Variants in FARP1 observed in about 807,000 individuals in gnomAD.
FARP1 encodes FERM, ARH/RhoGEF and pleckstrin domain protein 1, also known as FERM, ARHGEF and pleckstrin domain-containing protein 1.
FARP1 carries 52 observed loss-of-function variants against 128.8 expected under a neutral mutation model. The ratio of observed to expected loss-of-function variants is 0.40; its 90% confidence interval spans 0.32 to 0.51. The LOEUF is 0.51. Ranked by LOEUF, FARP1 falls within the 20% of genes least tolerant of loss-of-function variation. The pLI is 0.45. For missense variants in FARP1, 1,333 were observed against 1,367.9 expected, an observed-to-expected ratio of 0.97 and a Z score of 0.40; for synonymous variants, 580 against 551.8, an observed-to-expected ratio of 1.05 and a Z score of -0.72.
intron 2 of FARP1, among the ~76,000 whole-genome samples, chr13:98,221,146 G>A (rs929026090): frequency 6.6e-6 from 1 of 152,162 alleles, no homozygotes; most frequent in African/African-American, 2.4e-5. Context: ...TTGAGGCCCA[G>A]GTGAGGCTCT....
At chr13:98,257,557 G>A (rs1225058111) in intron 2 of FARP1, among the ~76,000 whole-genome samples, 1 of 152,152 alleles carries the variant, frequency 6.6e-6, no homozygotes, top group Non-Finnish European at 1.5e-5. Flanking sequence ...TGGATAACAA[G>A]GTCAGGAATT....
chr13:98,223,618 G>A (rs367663204), intron 2 of FARP1, among the ~76,000 whole-genome samples: 4 of 152,178 alleles, frequency 2.6e-5, no homozygotes, highest in African/African-American at 4.8e-5. Context: ...GAGCCACAGC[G>A]CCTGGCCATA....
At chr13:98,267,879 G>A (rs554326814) in intron 2 of FARP1, among the ~76,000 whole-genome samples, 2 of 152,224 alleles carry the variant, frequency 1.3e-5, no homozygotes, top group Non-Finnish European at 2.9e-5. Flanking sequence ...GAAATTGGAA[G>A]GTGGGGCTCC....
intron 8 of FARP1, among the ~76,000 whole-genome samples, chr13:98,387,709 G>A (rs1054139912): frequency 3.3e-5 from 5 of 152,260 alleles, no homozygotes; most frequent in East Asian, 1.9e-4. Context: ...ATGTGAATCC[G>A]GCCCAGAGAC....
chr13:98,285,956 C>G (rs1348733369), intron 2 of FARP1, among the ~76,000 whole-genome samples: 1 of 152,142 alleles, frequency 6.6e-6, no homozygotes, highest in African/African-American at 2.4e-5. Context: ...CTATTTCAGG[C>G]CACGTCTCCC....
intron 26 of FARP1, chr13:98,447,852 AAAG>A (rs1892947979): frequency 1.4e-5 from 3 of 209,976 alleles, no homozygotes; most frequent in South Asian, 8.6e-5. Context: ...CTCAAAAAAA[AAAG>A]AAAAAGAAAA....
At chr13:98,299,131 G>C (rs1480173669) in intron 2 of FARP1, among the ~76,000 whole-genome samples, 4 of 152,034 alleles carry the variant, frequency 2.6e-5, no homozygotes. Flanking sequence ...TTTAATGCTG[G>C]GTAATAAAGC....
intron 2 of FARP1, among the ~76,000 whole-genome samples, chr13:98,272,367 T>C (rs1884431449): frequency 6.6e-6 from 1 of 152,168 alleles, no homozygotes; most frequent in African/African-American, 2.4e-5. Flanking sequence ...AATAGCCCTT[T>C]TGCACGCTAA....
At chr13:98,180,986 T>C (rs1174489153) in intron 1 of FARP1, among the ~76,000 whole-genome samples, 1 of 152,256 alleles carries the variant, frequency 6.6e-6, no homozygotes, top group Non-Finnish European at 1.5e-5. Context: ...CCTTTCCCTG[T>C]GTTTACATTT....
chr13:98,182,780 T>C (rs77456917), intron 1 of FARP1, among the ~76,000 whole-genome samples: 8,638 of 152,302 alleles, frequency 0.057, 317 homozygotes, highest in African/African-American at 0.1. Context: ...CCTCAGAATT[T>C]CTTAGACATT....
intron 2 of FARP1, among the ~76,000 whole-genome samples, chr13:98,292,257 C>G (rs1014875067): frequency 7.9e-5 from 12 of 152,222 alleles, no homozygotes; most frequent in Non-Finnish European, 2.9e-5. Context: ...ATAGCATCCA[C>G]ATTTTTAACC....
At chr13:98,386,224 T>G (rs1445782268) in intron 8 of FARP1, among the ~76,000 whole-genome samples, 1 of 149,908 alleles carries the variant, frequency 6.7e-6, no homozygotes, top group African/African-American at 2.4e-5. Context: ...ACAGTTTGGC[T>G]TGAGCCAGCT....
At chr13:98,433,245 A>T (rs1013693045) in intron 18 of FARP1, 1 of 152,266 alleles carries the variant, frequency 6.6e-6, no homozygotes, top group African/African-American at 2.4e-5. Flanking sequence ...GGAAACAGTG[A>T]TACCAGGCTT....
At chr13:98,259,882 A>AGTGTGTGTGTGTATGTGT (rs1883787410) in intron 2 of FARP1, among the ~76,000 whole-genome samples, 1 of 128,770 alleles carries the variant, frequency 7.8e-6, no homozygotes, top group Non-Finnish European at 1.6e-5. Flanking sequence ...ATACCTGAAA[A>AGTGTGTGTGTGTATGTGT]GTGTGTGTGT....
intron 2 of FARP1, among the ~76,000 whole-genome samples, chr13:98,295,530 C>A (rs1388544021): frequency 6.6e-6 from 1 of 152,208 alleles, no homozygotes; most frequent in East Asian, 1.9e-4. Context: ...AAAAAGCCTG[C>A]AGATAAAAAT....
chr13:98,453,241 CAT>C lies in FARP1; in HGVS notation c.*4925_*4926del. 7 of 1,606,190 alleles carry C rather than the reference CAT, an allele frequency of 4.4e-6. No individual in the cohort carries two copies. Among genetic ancestry groups the C allele is most frequent in the East Asian group, 4.5e-5 (2 of 44,644 alleles). On this transcript the variant is annotated 3_prime_UTR_variant, in exon 27 of 27. Coordinates refer to ENST00000319562, the MANE Select transcript of FARP1 (RefSeq NM_005766.4). ...AAAAAGAGAGAGAGAGAAGTCAACA[CAT>C]GTCATTTCTCATCCCTGTGCAAAAA... is the stretch of plus-strand genomic sequence containing the variant.
rs751760297 is a variant in FARP1 at position 98,176,192 on chromosome 13, A to T, written c.-24+32700A>T. The T allele has an allele frequency of 2.4e-5, 38 of 1,610,502 alleles. 2 individuals carry two copies. The South Asian group carries it at 4.2e-4, about 18-fold the overall frequency. ...CTCTTTTTTCCTAAAAGAACAAAAA[A>T]ATTTATTTAAATGTGAGAATTATGG... On this transcript the variant is annotated intron_variant, in intron 1 of 26. Coordinates refer to ENST00000319562, the MANE Select transcript of FARP1 (RefSeq NM_005766.4). This position sits in a 1 kb window ranked among gnomAD's most constrained non-coding sequence, Gnocchi z 6.2.
intron 2 of FARP1, among the ~76,000 whole-genome samples, chr13:98,223,517 A>C (rs550251930): frequency 6.6e-6 from 1 of 151,970 alleles, no homozygotes; most frequent in Non-Finnish European, 1.5e-5. Context: ...GGAGAGATGG[A>C]GTTTCACCAT....
chr13:98,153,807 C>T (rs1365218896), intron 1 of FARP1, among the ~76,000 whole-genome samples: 1 of 151,896 alleles, frequency 6.6e-6, no homozygotes, highest in Non-Finnish European at 1.5e-5. Flanking sequence ...AGGTGATCCG[C>T]CTGCCTCAGC....
Sources: allele counts gnomAD v4.1 joint callset (sites outside exome capture counted in the v4.1 genomes callset), GRCh38; gene constraint gnomAD v4.1.1; non-coding constraint Gnocchi (gnomAD v3.1); transcripts MANE v1.5; gene names NCBI Gene and HGNC (gene_info 2026-07-23, HGNC 2026-07-21).